PLCB4: variants seen among roughly 807,000 people sequenced by gnomAD.
PLCB4 encodes 1-phosphatidylinositol 4,5-bisphosphate phosphodiesterase beta-4.
A neutral mutation model predicts 178.8 loss-of-function variants in PLCB4; 77 were observed. The observed-to-expected ratio is 0.43, with a 90% confidence interval of 0.36 to 0.52. The LOEUF (loss-of-function observed/expected upper bound fraction) is 0.52. Ranked by LOEUF, PLCB4 falls within the 20% of genes least tolerant of loss-of-function variation. The pLI, the probability that PLCB4 is intolerant of heterozygous loss-of-function variation, is 0.00. For synonymous variants in PLCB4, 496 were observed against 490.8 expected (o/e 1.01, Z -0.14); for missense variants, 1,024 against 1,453.4 (o/e 0.70, Z 4.80).
Position 9,423,738 on chromosome 20 carries a change from C to G in PLCB4, c.2320-10C>G. 6.2e-7 allele frequency: 1 copy of G among 1,610,478 alleles called. No homozygotes were observed. The highest frequency in any genetic ancestry group is 1.1e-5 in the South Asian group (1 of 90,764). On this transcript the variant is annotated splice_polypyrimidine_tract_variant and intron_variant, in intron 27 of 39. Transcript: ENST00000378473. ...TGGAAAAATCAGTGAAAGTCCTGTT[C>G]TGTTTGCAGGTGATCCTGCCGGACC...
chr20:9,444,059 C>T (rs758553395), intron 31 of PLCB4, 29 bp downstream of exon 31: 21 of 1,538,460 alleles, frequency 1.4e-5, no homozygotes, highest in Admixed American at 1.7e-5. Flanking sequence ...TTTGCAAGCA[C>T]TCTTGTATTA....
chr20:9,083,492 TA>T (rs11087833), intron 1 of PLCB4, among the ~76,000 whole-genome samples: 133,250 of 152,024 alleles, frequency 0.88, 58,850 homozygotes, highest in East Asian at 1. Flanking sequence ...TGCAATATTT[TA>T]AAAATGTTGA....
intron 2 of PLCB4, among the ~76,000 whole-genome samples, chr20:9,115,740 A>G (rs1163658900): frequency 6.6e-6 from 1 of 151,990 alleles, no homozygotes; most frequent in East Asian, 1.9e-4. Context: ...TTATTCATTT[A>G]ATTTGGATTA....
At chr20:9,372,925 C>G (rs555086813) in intron 11 of PLCB4, 122 bp from the exon 12 acceptor site, 6 of 510,516 alleles carry the variant, frequency 1.2e-5, no homozygotes, top group African/African-American at 8.0e-5. Context: ...TTTAAGAATT[C>G]ACCACTACTT....
intron 7 of PLCB4, among the ~76,000 whole-genome samples, chr20:9,349,207 A>G (rs1057113625): frequency 6.6e-6 from 1 of 152,216 alleles, no homozygotes; most frequent in Non-Finnish European, 1.5e-5. Flanking sequence ...TACATTCACC[A>G]TGTTGAGCAA....
chr20:9,294,992 G>T (rs1374422322), intron 3 of PLCB4, among the ~76,000 whole-genome samples: 1 of 152,096 alleles, frequency 6.6e-6, no homozygotes, highest in Non-Finnish European at 1.5e-5. Flanking sequence ...CTGAGGAAGA[G>T]GTCAACCTAA....
chr20:9,214,316 A>G (rs1005001854), intron 2 of PLCB4, among the ~76,000 whole-genome samples: 2 of 152,088 alleles, frequency 1.3e-5, no homozygotes, highest in Non-Finnish European at 2.9e-5. Context: ...GTAGGAGCCT[A>G]TCTTCATTCG....
chr20:9,444,244 G>T lies in PLCB4; in HGVS notation c.2880+1G>T, dbSNP rs1388964075. 6.4e-7 allele frequency: 1 copy of T among 1,572,240 alleles called. No individual in the cohort carries two copies. The highest frequency in any genetic ancestry group is 1.4e-5 in the African/African-American group (1 of 73,846). On this transcript the variant is annotated splice_donor_variant, in intron 32 of 39. Coordinates refer to ENST00000378473, the MANE Select transcript of PLCB4 (RefSeq NM_001377142.1). LOFTEE classifies it high-confidence loss of function. ...TTCTTTAAAGAAGAAACATGCAAAG[G>T]TACAGTGCTCTACAGCTACTATTTT...
At chr20:9,233,262 A>G (rs1042043868) in intron 3 of PLCB4, among the ~76,000 whole-genome samples, 32 of 152,230 alleles carry the variant, frequency 2.1e-4, no homozygotes, top group Middle Eastern at 3.4e-3. Context: ...GTGTTTGCTA[A>G]ATAGTCACTT....
intron 32 of PLCB4, among the ~76,000 whole-genome samples, chr20:9,451,372 C>A (rs1602880842): frequency 6.6e-6 from 1 of 152,218 alleles, no homozygotes; most frequent in Non-Finnish European, 1.5e-5. Context: ...CCTTCACCCT[C>A]CTTTCAATGA....
chr20:9,254,076 T>C (rs1362880592), intron 3 of PLCB4, among the ~76,000 whole-genome samples: 4 of 152,242 alleles, frequency 2.6e-5, no homozygotes, highest in African/African-American at 9.6e-5. Flanking sequence ...TCTCACCTGT[T>C]TCTTGGTAGA....
chr20:9,199,029 T>A (rs2147177237), intron 2 of PLCB4, among the ~76,000 whole-genome samples: 1 of 152,302 alleles, frequency 6.6e-6, no homozygotes, highest in African/African-American at 2.4e-5. Flanking sequence ...CAGAAGTGCT[T>A]GGATAAGGTT....
At chr20:9,226,026 C>T (rs1207289166) in intron 3 of PLCB4, among the ~76,000 whole-genome samples, 1 of 152,158 alleles carries the variant, frequency 6.6e-6, no homozygotes, top group East Asian at 1.9e-4. Flanking sequence ...CCTTGCAGAT[C>T]AGCTGCTTCA....
chr20:9,363,801 G>A (rs910961405), intron 8 of PLCB4, among the ~76,000 whole-genome samples: 3 of 152,198 alleles, frequency 2.0e-5, no homozygotes, highest in Admixed American at 6.5e-5. Context: ...GCAGGGATAA[G>A]CCTGTATCTC....
At chr20:9,409,761 CT>C (rs139074612) in intron 24 of PLCB4, among the ~76,000 whole-genome samples, 5,987 of 151,494 alleles carry the variant, frequency 0.04, 399 homozygotes, top group African/African-American at 0.14. Flanking sequence ...TATATAATGA[CT>C]TTTTTTTTCT....
chr20:9,109,762 C>CT (rs994488922), intron 2 of PLCB4, among the ~76,000 whole-genome samples: 8 of 152,226 alleles, frequency 5.3e-5, no homozygotes, highest in Non-Finnish European at 8.8e-5. Flanking sequence ...AAATATTATC[C>CT]TTTTTTTCTT....
chr20:9,235,262 C>T (rs537954153), intron 3 of PLCB4, among the ~76,000 whole-genome samples: 2 of 152,202 alleles, frequency 1.3e-5, no homozygotes, highest in Non-Finnish European at 2.9e-5. Context: ...AAAGGAAGTA[C>T]AGTTGCTGGT....
intron 2 of PLCB4, among the ~76,000 whole-genome samples, chr20:9,202,677 T>C (rs1384836987): frequency 3.3e-5 from 5 of 152,148 alleles, no homozygotes; most frequent in African/African-American, 1.2e-4. Flanking sequence ...AGCTCAGTGG[T>C]AGTGGTGCTG....
chr20:9,234,519 A>C (rs573517176), intron 3 of PLCB4, among the ~76,000 whole-genome samples: 3 of 152,282 alleles, frequency 2.0e-5, no homozygotes, highest in Admixed American at 2.0e-4. Flanking sequence ...GAGATTGTAG[A>C]ATCACTGTCA....
Sources: gnomAD v4.1 joint callset for allele counts (sites outside exome capture counted in the v4.1 genomes callset) on GRCh38, gnomAD v4.1.1 for gene constraint, MANE v1.5 for transcripts, NCBI Gene and HGNC (gene_info 2026-07-23, HGNC 2026-07-21) for gene names.